The following CNTNAP2 variants were observed in gnomAD, a reference collection of about 807,000 sequenced individuals.
CNTNAP2 encodes the protein contactin associated protein 2.
A neutral mutation model predicts 155.2 loss-of-function variants in CNTNAP2; 98 were observed. That is an observed-to-expected ratio of 0.63 (90% CI 0.54 to 0.75). CNTNAP2 has a LOEUF of 0.75. Ranked by LOEUF, CNTNAP2 falls within the 30% of genes least tolerant of loss-of-function variation. The probability of loss-of-function intolerance (pLI) is 0.00; values close to 1 mark genes in which losing one functional copy is unlikely to be tolerated. For missense variants in CNTNAP2, 1,727 were observed against 1,688.1 expected (o/e 1.02, Z -0.40); for synonymous variants, 651 against 631.2 (o/e 1.03, Z -0.47).
chr7:148,215,623 C>T (rs554530275), intron 18 of CNTNAP2, among the ~76,000 whole-genome samples: 11 of 151,760 alleles, frequency 7.2e-5, no homozygotes, highest in East Asian at 1.9e-4. Flanking sequence ...CAATATACAA[C>T]GGTAACCTGT....
intron 10 of CNTNAP2, among the ~76,000 whole-genome samples, chr7:147,425,843 G>C (rs989766397): frequency 2.0e-5 from 3 of 151,998 alleles, no homozygotes; most frequent in East Asian, 3.9e-4. Context: ...AGTTTAACAC[G>C]GTATTTCCAT....
chr7:146,218,017 G>A (rs1390896888), intron 1 of CNTNAP2, among the ~76,000 whole-genome samples: 1 of 152,008 alleles, frequency 6.6e-6, no homozygotes, highest in African/African-American at 2.4e-5. Context: ...TTTTTAAAAA[G>A]ATCAATGTAT....
rs183684737 is a variant in CNTNAP2, at chr7:147,412,174, A to C, written c.1670+16394A>C. On this transcript the variant is annotated intron_variant, in intron 10 of 23. Coordinates refer to ENST00000361727, the MANE Select transcript of CNTNAP2 (RefSeq NM_014141.6). ...ACTTCTTATTGCCCTTAAGAAAAAG[A>C]CCCAGATCCTTAAAAGCAGTGTATT... is the stretch of plus-strand genomic sequence containing the variant. 3.3e-3 allele frequency among the ~76,000 whole-genome samples: 508 copies of C among 152,210 alleles called. 5 individuals are homozygous for C. Among genetic ancestry groups the C allele is most frequent in the African/African-American group, 9.2e-3 (381 of 41,532 alleles).
chr7:147,835,329 C>G (rs1201604004), intron 13 of CNTNAP2, among the ~76,000 whole-genome samples: 1 of 152,130 alleles, frequency 6.6e-6, no homozygotes. Context: ...CATGTAAAGG[C>G]TATCATATAT....
intron 8 of CNTNAP2, among the ~76,000 whole-genome samples, chr7:147,224,319 GA>G (rs1167872094): frequency 2.0e-5 from 3 of 152,066 alleles, no homozygotes; most frequent in African/African-American, 7.2e-5. Context: ...TTAAATGATT[GA>G]AAAATCAAAA....
chr7:147,736,213 C>T (rs1326735568), intron 13 of CNTNAP2, among the ~76,000 whole-genome samples: 2 of 151,846 alleles, frequency 1.3e-5, no homozygotes, highest in African/African-American at 4.8e-5. Flanking sequence ...TTAGGGCAGG[C>T]CTGGTGGTGA....
chr7:147,818,170 C>T lies in CNTNAP2; in HGVS notation c.2099-85395C>T, dbSNP rs188397360. Among the ~76,000 whole-genome samples the T allele has an allele frequency of 5.9e-5, 9 of 151,892 alleles. No individual in the cohort carries two copies. The East Asian group carries it at 1.7e-3, about 29-fold the overall frequency. ...GCTCTGTGATGGTACGAGTAGGCAT[C>T]CTTATTTTATCAAGTATTGTCCTCT... On this transcript the variant is annotated intron_variant, in intron 13 of 23. Transcript: ENST00000361727.
At chr7:148,098,997 G>A (rs953982208) in intron 15 of CNTNAP2, among the ~76,000 whole-genome samples, 1 of 152,320 alleles carries the variant, frequency 6.6e-6, no homozygotes, top group African/African-American at 2.4e-5. Context: ...TGTCTTAAGA[G>A]CTCATGCTCT....
chr7:147,728,258 T>C (rs1328930478), intron 13 of CNTNAP2, among the ~76,000 whole-genome samples: 1 of 152,060 alleles, frequency 6.6e-6, no homozygotes, highest in East Asian at 1.9e-4. Context: ...TCAAGTTTTC[T>C]GACAGTCATA....
intron 1 of CNTNAP2, among the ~76,000 whole-genome samples, chr7:146,497,001 A>G (rs1035567588): frequency 3.9e-5 from 6 of 152,312 alleles, no homozygotes; most frequent in Non-Finnish European, 8.8e-5. Flanking sequence ...CCTCGAGGGA[A>G]TACCAAGGTC....
chr7:148,328,908 G>A lies in CNTNAP2; in HGVS notation c.3476-54741G>A, dbSNP rs181709057. Among the ~76,000 whole-genome samples the A allele has an allele frequency of 3.3e-3, 485 of 145,266 alleles. 1 individual carries two copies. Among genetic ancestry groups the A allele is most frequent in the African/African-American group, 0.012 (462 of 39,790 alleles). ...GGAGAATTGCTTGAATCTGGGAGGCGGAGCTTGCAGTGAGCCGAGATTGTG... is the reference window on the plus strand; with the variant it reads ...GGAGAATTGCTTGAATCTGGGAGGCAGAGCTTGCAGTGAGCCGAGATTGTG... On this transcript the variant is annotated intron_variant, in intron 21 of 23. Transcript: ENST00000361727.
chr7:147,417,277 C>T (rs529917210), intron 10 of CNTNAP2, among the ~76,000 whole-genome samples: 5 of 152,262 alleles, frequency 3.3e-5, no homozygotes, highest in African/African-American at 1.2e-4. Flanking sequence ...AAATTTATTT[C>T]TCGCAGTTGT....
chr7:146,966,662 G>A (rs1797664323), intron 3 of CNTNAP2, among the ~76,000 whole-genome samples: 1 of 152,188 alleles, frequency 6.6e-6, no homozygotes, highest in Non-Finnish European at 1.5e-5. Context: ...TATGGAGGAT[G>A]GGGAATGACG....
Position 146,997,239 on chromosome 7 carries a change from T to C in CNTNAP2, c.403-46668T>C, listed in dbSNP as rs959626756. Among the ~76,000 whole-genome samples, 8 of 152,108 alleles carry C rather than the reference T, an allele frequency of 5.3e-5. No individual in the cohort carries two copies. In the East Asian group the frequency reaches 1.5e-3, roughly 29 times the overall value. ...ATATATGGACTTTATTATGTTGAGGTATTTGTCTATACCTAATTCATGGAG... is the reference window on the plus strand; with the variant it reads ...ATATATGGACTTTATTATGTTGAGGCATTTGTCTATACCTAATTCATGGAG... On this transcript the variant is annotated intron_variant, in intron 3 of 23. Coordinates refer to ENST00000361727, the MANE Select transcript of CNTNAP2 (RefSeq NM_014141.6).
chr7:147,010,360 GA>G, intron 3 of CNTNAP2, among the ~76,000 whole-genome samples: 1 of 151,710 alleles, frequency 6.6e-6, no homozygotes, highest in South Asian at 2.1e-4. Flanking sequence ...ATGCCTTCTT[GA>G]AAAAAATGAT....
intron 1 of CNTNAP2, among the ~76,000 whole-genome samples, chr7:146,263,631 C>T (rs1165929719): frequency 6.6e-6 from 1 of 152,074 alleles, no homozygotes; most frequent in Non-Finnish European, 1.5e-5. Context: ...AGGTTGTAGA[C>T]AGAGCAGGGT....
intron 9 of CNTNAP2, among the ~76,000 whole-genome samples, chr7:147,301,040 GA>G (rs1159598811): frequency 6.6e-6 from 1 of 152,032 alleles, no homozygotes; most frequent in Non-Finnish European, 1.5e-5. Context: ...CAACCTGTGG[GA>G]AGTGAGTCAC....
At chr7:147,884,833 C>A (rs1799578633) in intron 13 of CNTNAP2, among the ~76,000 whole-genome samples, 1 of 152,132 alleles carries the variant, frequency 6.6e-6, no homozygotes, top group Non-Finnish European at 1.5e-5. Context: ...AAGGCTTTAG[C>A]ATCTTAGTTT....
intron 1 of CNTNAP2, among the ~76,000 whole-genome samples, chr7:146,585,422 A>C (rs1798674599): frequency 6.6e-6 from 1 of 151,994 alleles, no homozygotes; most frequent in Non-Finnish European, 1.5e-5. Context: ...ACCCGGCCTA[A>C]ACCTGAGTAT....
Sources: allele counts gnomAD v4.1 joint callset (sites outside exome capture counted in the v4.1 genomes callset), GRCh38; gene constraint gnomAD v4.1.1; transcripts MANE v1.5; gene names NCBI Gene and HGNC (gene_info 2026-07-23, HGNC 2026-07-21).